ZDHHC15: variants seen among roughly 807,000 people sequenced by gnomAD.
ZDHHC15 encodes the protein palmitoyltransferase ZDHHC15.
In ZDHHC15, 19 loss-of-function variants were observed where a neutral mutation model predicts 31.7. The ratio of observed to expected loss-of-function variants is 0.60; its 90% CI spans 0.42 to 0.88. The LOEUF (loss-of-function observed/expected upper bound fraction) is 0.88. Among genes scored for constraint, ZDHHC15 ranks in the 40% least tolerant of loss-of-function variants. The pLI, the probability that ZDHHC15 is intolerant of heterozygous loss-of-function variation, is 0.00. For missense variants in ZDHHC15, 209 were observed against 251.2 expected (o/e 0.83, Z 1.14); for synonymous variants, 103 against 90.0 (o/e 1.14, Z -0.82).
chrX:75,465,522 A>C (rs1429871288), intron 3 of ZDHHC15, among the ~76,000 whole-genome samples: 3 of 111,856 alleles, frequency 2.7e-5, no homozygotes, highest in Non-Finnish European at 3.8e-5. Flanking sequence ...AAAAAGCTAA[A>C]GGCACCATGC....
intron 9 of ZDHHC15, among the ~76,000 whole-genome samples, chrX:75,417,999 T>C (rs1213796815): frequency 8.9e-6 from 1 of 112,305 alleles, no homozygotes; most frequent in Non-Finnish European, 1.9e-5. Context: ...AAAGAGAATG[T>C]AAGTGTACTG....
At chrX:75,448,098 A>G (rs1296339201) in intron 4 of ZDHHC15, among the ~76,000 whole-genome samples, 3 of 112,282 alleles carry the variant, frequency 2.7e-5, no homozygotes, top group Non-Finnish European at 5.6e-5. Flanking sequence ...AAATTGGACT[A>G]TTACTACTCT....
At chrX:75,374,305 A>G (rs2083034793) in intron 11 of ZDHHC15, among the ~76,000 whole-genome samples, 1 of 109,885 alleles carries the variant, frequency 9.1e-6, no homozygotes, top group Admixed American at 9.8e-5. Context: ...TGATGGGTGC[A>G]GCAAACCACC....
chrX:75,421,399 T>TATACATATTATA, intron 9 of ZDHHC15, among the ~76,000 whole-genome samples: 2 of 12,738 alleles, frequency 1.6e-4, no homozygotes, highest in African/African-American at 3.3e-4. Flanking sequence ...TATATATATA[T>TATACATATTATA]TATATATATA....
At chrX:75,378,978 T>A in intron 11 of ZDHHC15, 142 bp downstream of exon 11, 1 of 441,572 alleles carries the variant, frequency 2.3e-6, no homozygotes, top group Non-Finnish European at 3.8e-6. Flanking sequence ...ATAGAACTTC[T>A]GCTTATGCAT....
chrX:75,477,913 C>T (rs781120869), intron 3 of ZDHHC15, among the ~76,000 whole-genome samples: 19 of 111,157 alleles, frequency 1.7e-4, no homozygotes, highest in Non-Finnish European at 3.2e-4. Flanking sequence ...TTCTTCATAT[C>T]TCATATCTCT....
rs918123961 is a variant in ZDHHC15, at chrX:75,372,487, A to G, written c.*491T>C. 1 of 111,765 alleles carries G rather than the reference A, an allele frequency of 8.9e-6. No individual in the cohort carries two copies. The highest frequency in any genetic ancestry group is 1.9e-5 in the Non-Finnish European group (1 of 53,149). 9.2% of individuals were successfully genotyped at this position (111,765 alleles called of 1,213,427 possible). On this transcript the variant is annotated 3_prime_UTR_variant, in exon 12 of 12. Transcript: ENST00000373367. ...GGTTTTTAGCCCTGATTTTCACACT[A>G]TAGCAGAATTTTGTATAGATATGCT...
In ZDHHC15 at chrX:75,490,787, CTGTT is replaced by C. The variant is rs1356198337; in HGVS notation, c.164-11806_164-11803del. Among the ~76,000 whole-genome samples the C allele has an allele frequency of 3.6e-5, 4 of 111,619 alleles. No individual in the cohort carries two copies. In the South Asian group the frequency reaches 1.1e-3, roughly 32 times the overall value. The stretch of plus-strand genomic sequence containing the variant: ...GGGAGCTCACTCATGATTTGGCTCT[CTGTT>C]TGTCTGTTATTGGTGTATAAGAATG... On this transcript the variant is annotated intron_variant, in intron 2 of 11. Transcript: ENST00000373367.
intron 10 of ZDHHC15, among the ~76,000 whole-genome samples, chrX:75,399,075 T>C (rs2083328296): frequency 1.8e-5 from 2 of 111,571 alleles, no homozygotes; most frequent in African/African-American, 6.5e-5. Flanking sequence ...TTGTGGAAAA[T>C]CTGAGGTGAT....
intron 3 of ZDHHC15, among the ~76,000 whole-genome samples, chrX:75,475,432 T>C (rs1254013442): frequency 2.7e-5 from 3 of 112,237 alleles, no homozygotes; most frequent in Non-Finnish European, 3.8e-5. Flanking sequence ...GTCATTATTT[T>C]GGATATGGAC....
At position 75,459,573 on chromosome X, in the gene ZDHHC15, G is replaced by A. The variant is rs180678376; in HGVS notation, c.259-8651C>T. ...GTGGCCAGGCTGCTTCTATAAGCAG[G>A]ACCCCAATCCATTCCTCCTCACTGG... On this transcript the variant is annotated intron_variant, in intron 3 of 11. Transcript: ENST00000373367. 2.7e-5 allele frequency among the ~76,000 whole-genome samples: 3 copies of A among 111,295 alleles called. No homozygotes were observed. In the East Asian group the frequency reaches 8.6e-4, roughly 32 times the overall value.
At chrX:75,408,772 G>A (rs191996020) in intron 10 of ZDHHC15, among the ~76,000 whole-genome samples, 28 of 112,243 alleles carry the variant, frequency 2.5e-4, no homozygotes, top group Non-Finnish European at 4.9e-4. Context: ...ATCAACCTAC[G>A]AAAATCAGTA....
chrX:75,393,531 C>T (rs1025974572), intron 10 of ZDHHC15, among the ~76,000 whole-genome samples: 3 of 111,158 alleles, frequency 2.7e-5, no homozygotes, highest in Non-Finnish European at 5.7e-5. Context: ...TCAGGAGTGT[C>T]GAGTGTATTT....
chrX:75,489,698 AG>A (rs1441164595), intron 2 of ZDHHC15, among the ~76,000 whole-genome samples: 1 of 112,565 alleles, frequency 8.9e-6, no homozygotes, highest in Non-Finnish European at 1.9e-5. Flanking sequence ...CCTCCTCCAA[AG>A]GAATGCAGCT....
Position 75,414,805 on chromosome X carries a change from G to A in ZDHHC15, c.967+2282C>T, listed in dbSNP as rs189669499. On this transcript the variant is annotated intron_variant, in intron 10 of 11. Coordinates refer to ENST00000373367, the MANE Select transcript of ZDHHC15 (RefSeq NM_144969.3). ...TTTTGAGACAGAGTCTCACTCTGTC[G>A]CCCAGGGTAGAGTGCAGTGGCACGA... 1.9e-4 allele frequency among the ~76,000 whole-genome samples: 20 copies of A among 104,377 alleles called. No individual in the cohort carries two copies. The East Asian group carries it at 2.4e-3, about 13-fold the overall frequency. The allele number at this position is 104,377 out of a possible 115,157, so 90.6% of individuals were successfully genotyped here. A position where few individuals can be genotyped will look rare whatever the true frequency, so the allele number is the denominator to read the frequency against.
At chrX:75,390,331 A>T (rs1328430380) in intron 10 of ZDHHC15, among the ~76,000 whole-genome samples, 1 of 111,724 alleles carries the variant, frequency 9.0e-6, no homozygotes, top group African/African-American at 3.3e-5. Flanking sequence ...TGGCTTTGCA[A>T]CCTGCTGATT....
chrX:75,463,977 C>T (rs1016865864), intron 3 of ZDHHC15, among the ~76,000 whole-genome samples: 6 of 111,776 alleles, frequency 5.4e-5, no homozygotes, highest in Admixed American at 9.5e-5. Context: ...TATAAAGACA[C>T]ACGCACGCGT....
chrX:75,479,568 G>A (rs1602698836), intron 2 of ZDHHC15, among the ~76,000 whole-genome samples: 1 of 111,563 alleles, frequency 9.0e-6, no homozygotes. Context: ...TGCATAGGTT[G>A]CACAGTGGTG....
intron 1 of ZDHHC15, among the ~76,000 whole-genome samples, chrX:75,514,575 A>T (rs1261312274): frequency 9.0e-6 from 1 of 111,702 alleles, no homozygotes; most frequent in African/African-American, 3.3e-5. Flanking sequence ...GTGTGAGCCG[A>T]AGCGGGGCGG....
Sources: allele counts gnomAD v4.1 joint callset (sites outside exome capture counted in the v4.1 genomes callset), GRCh38; gene constraint gnomAD v4.1.1; transcripts MANE v1.5; gene names NCBI Gene and HGNC (gene_info 2026-07-23, HGNC 2026-07-21).